Variants in BBS4 observed in about 807,000 individuals in gnomAD.
The protein encoded by BBS4 is BBSome complex member BBS4.
In BBS4, 58 loss-of-function variants were observed where a neutral mutation model predicts 71.4. The observed-to-expected ratio is 0.81, with a 90% confidence interval of 0.66 to 1.01. The LOEUF (loss-of-function observed/expected upper bound fraction) is 1.01, where lower values mean the gene tolerates loss of function less well. Ranked by LOEUF, BBS4 falls within the 50% of genes least tolerant of loss-of-function variation. The pLI is 0.00. For synonymous variants in BBS4, 228 were observed against 216.8 expected, an observed-to-expected ratio of 1.05 and a Z score of -0.46; for missense variants, 660 against 607.9, an observed-to-expected ratio of 1.09 and a Z score of -0.90.
intron 2 of BBS4, among the ~76,000 whole-genome samples, chr15:72,706,365 T>C (rs906329959): frequency 3.9e-5 from 6 of 152,166 alleles, no homozygotes; most frequent in Non-Finnish European, 8.8e-5. Flanking sequence ...TTCGATCTCC[T>C]GACCTCATGA....
Position 72,735,162 on chromosome 15 carries a change from A to G in BBS4, c.1086A>G (p.Ala362=), listed in dbSNP as rs2065896518. Residue 362 remains alanine (A), a synonymous_variant, in exon 13 of 16, where the codon GCA becomes GCG. Transcript: ENST00000268057. ...TAGAAAATGCCAAGAGAGCCTACGCAGAAGCAGTCCACCTGGATAAGTATG... is the reference window on the plus strand; with the variant it reads ...TAGAAAATGCCAAGAGAGCCTACGCGGAAGCAGTCCACCTGGATAAGTATG... ...EDIENAKRAY[A]EAVHLDKCNP... The G allele has an allele frequency of 4.3e-6, 7 of 1,613,764 alleles. No homozygotes were observed. The highest frequency in any genetic ancestry group is 5.9e-6 in the Non-Finnish European group (7 of 1,179,726).
chr15:72,737,978 CTG>C lies in BBS4; in HGVS notation c.*394_*395del, dbSNP rs2065960461. 2 of 454,476 alleles carry C rather than the reference CTG, an allele frequency of 4.4e-6. No individual in the cohort carries two copies. The highest frequency in any genetic ancestry group is 8.8e-6 in the Non-Finnish European group (2 of 227,130). The allele number at this position is 454,476 out of a possible 1,614,324, so 28.2% of individuals were successfully genotyped here. On this transcript the variant is annotated 3_prime_UTR_variant, in exon 16 of 16. Coordinates refer to ENST00000268057, the MANE Select transcript of BBS4 (RefSeq NM_033028.5). ...TGAGACAGACCTCTGCTGAGTAGCTCTGTGATGACAAAGCCTTGGTTTAACTG... is the reference window on the plus strand; with the variant it reads ...TGAGACAGACCTCTGCTGAGTAGCTCTGATGACAAAGCCTTGGTTTAACTG...
intron 13 of BBS4, 30 bp from the exon 14 acceptor site, chr15:72,735,795 C>G: frequency 6.2e-7 from 1 of 1,613,978 alleles, no homozygotes; most frequent in Non-Finnish European, 8.5e-7. Flanking sequence ...TGCAGAGCCC[C>G]CAGCTCCATA....
chr15:72,712,183 T>C (rs2065384873), intron 3 of BBS4, 61 bp from the exon 4 acceptor site: 1 of 1,529,184 alleles, frequency 6.5e-7, no homozygotes, highest in Non-Finnish European at 9.0e-7. Flanking sequence ...TGTCCACTTT[T>C]TCTTAAAGAC....
chr15:72,716,759 G>GA lies in BBS4; in HGVS notation c.333-15dup. On this transcript the variant is annotated intron_variant, in intron 5 of 15. Coordinates refer to ENST00000268057, the MANE Select transcript of BBS4 (RefSeq NM_033028.5). ...TAAGAATTTTGAGGTAATAATTATG[G>GA]AAAATATATCTTTTACAGATTTCTT... 1.3e-6 allele frequency: 2 copies of GA among 1,565,828 alleles called. No individual in the cohort carries two copies. The highest frequency in any genetic ancestry group is 1.8e-6 in the Non-Finnish European group (2 of 1,140,424).
At chr15:72,691,958 CAAAAAAAAAA>C (rs33994964) in intron 1 of BBS4, among the ~76,000 whole-genome samples, 1 of 102,418 alleles carries the variant, frequency 9.8e-6, no homozygotes, top group Non-Finnish European at 2.1e-5. Flanking sequence ...GACTTCGTCT[CAAAAAAAAAA>C]AAAAAAAAAG....
chr15:72,710,154 C>CT (rs1243263387), intron 3 of BBS4, among the ~76,000 whole-genome samples: 1 of 133,450 alleles, frequency 7.5e-6, no homozygotes, highest in South Asian at 2.5e-4. Flanking sequence ...AGCATATTAA[C>CT]TTTTTTATCT....
At chr15:72,728,075 C>T (rs1798499221) in intron 9 of BBS4, 81 bp downstream of exon 9, 4 of 970,620 alleles carry the variant, frequency 4.1e-6, no homozygotes, top group Non-Finnish European at 6.7e-6. Context: ...TTCCTGCATT[C>T]TGATATTTAT....
chr15:72,712,474 C>T (rs574403829), intron 4 of BBS4, among the ~76,000 whole-genome samples, 167 bp downstream of exon 4: 1 of 152,178 alleles, frequency 6.6e-6, no homozygotes, highest in East Asian at 1.9e-4. Context: ...ATTGTGTGAA[C>T]ATTACATGGA....
At chr15:72,736,359 A>G (rs981016609) in intron 14 of BBS4, among the ~76,000 whole-genome samples, 1 of 150,140 alleles carries the variant, frequency 6.7e-6, no homozygotes, top group Admixed American at 6.7e-5. Context: ...CTCCTGCCTC[A>G]GCCTTCCAAG....
intron 3 of BBS4, among the ~76,000 whole-genome samples, chr15:72,710,178 A>T (rs992527766): frequency 7.0e-6 from 1 of 143,884 alleles, no homozygotes; most frequent in Non-Finnish European, 1.5e-5. Flanking sequence ...GATAGATGAA[A>T]AATGGTATTT....
intron 15 of BBS4, 134 bp downstream of exon 15, chr15:72,737,097 A>G (rs1230192272): frequency 8.8e-7 from 1 of 1,136,606 alleles, no homozygotes; most frequent in Admixed American, 1.9e-5. Context: ...AGGGGAGAAA[A>G]AAAACACAGG....
rs117773273 is a variant in BBS4 at position 72,711,672 on chromosome 15, T to C, written c.157-572T>C. Among the ~76,000 whole-genome samples the C allele has an allele frequency of 3.0e-4, 46 of 152,286 alleles. No homozygotes were observed. In the East Asian group the frequency reaches 8.1e-3, roughly 27 times the overall value. ...CCCTTTAGAAATAAAAAAACCACTG[T>C]TAGCTTGAGAGCTGTACAAAAATAT... On this transcript the variant is annotated intron_variant, in intron 3 of 15. Coordinates refer to ENST00000268057, the MANE Select transcript of BBS4 (RefSeq NM_033028.5).
intron 13 of BBS4, 118 bp downstream of exon 13, chr15:72,735,300 G>A (rs1459138145): frequency 6.5e-6 from 5 of 770,168 alleles, no homozygotes; most frequent in African/African-American, 3.4e-5. Flanking sequence ...TATGGCATTA[G>A]TACATAGCAG....
At chr15:72,705,891 G>T (rs1408979607) in intron 2 of BBS4, among the ~76,000 whole-genome samples, 1 of 151,892 alleles carries the variant, frequency 6.6e-6, no homozygotes, top group Non-Finnish European at 1.5e-5. Flanking sequence ...AGCCCTGATT[G>T]TCTTTTATTG....
chr15:72,697,915 TTGG>T (rs1291178291), intron 2 of BBS4: 1 of 454,552 alleles, frequency 2.2e-6, no homozygotes, highest in East Asian at 6.9e-5. Context: ...TCAGAACTAC[TTGG>T]TGGTTCTGAG....
intron 1 of BBS4, among the ~76,000 whole-genome samples, chr15:72,691,857 G>A (rs1008053583): frequency 2.6e-5 from 4 of 152,078 alleles, no homozygotes; most frequent in African/African-American, 9.7e-5. Flanking sequence ...CTGCTACTCG[G>A]GAGGCTGAGG....
intron 9 of BBS4, 43 bp downstream of exon 9, chr15:72,728,037 T>A (rs1342511128): frequency 2.0e-6 from 3 of 1,489,880 alleles, no homozygotes; most frequent in Non-Finnish European, 2.8e-6. Context: ...ATGTTAGAAA[T>A]GGTTTTGGGT....
At chr15:72,709,400 A>T (rs2065324717) in intron 2 of BBS4, among the ~76,000 whole-genome samples, 1 of 152,158 alleles carries the variant, frequency 6.6e-6, no homozygotes, top group South Asian at 2.1e-4. Context: ...AGGGAAGGAG[A>T]GATTGAGAAG....
Sources: gnomAD v4.1 joint callset for allele counts (sites outside exome capture counted in the v4.1 genomes callset) on GRCh38, gnomAD v4.1.1 for gene constraint, MANE v1.5 for transcripts, NCBI Gene and HGNC (gene_info 2026-07-23, HGNC 2026-07-21) for gene names.